Variants in LRRC4C observed in about 807,000 individuals in gnomAD.
LRRC4C encodes leucine rich repeat containing 4C.
In LRRC4C, 5 loss-of-function variants were observed where a neutral mutation model predicts 33.6. The ratio of observed to expected loss-of-function variants is 0.15; its 90% CI spans 0.08 to 0.31. LRRC4C has a LOEUF of 0.31. LRRC4C is among the 10% of genes least tolerant of loss of function. The pLI is 1.00. For synonymous variants in LRRC4C, 329 were observed against 302.0 expected, an observed-to-expected ratio of 1.09 and a Z score of -0.93; for missense variants, 560 against 796.7, an observed-to-expected ratio of 0.70 and a Z score of 3.58.
At chr11:40,294,594 C>G (rs1345405230) in intron 4 of LRRC4C, among the ~76,000 whole-genome samples, 1 of 152,012 alleles carries the variant, frequency 6.6e-6, no homozygotes, top group Non-Finnish European at 1.5e-5. Context: ...TTTGGGAGGC[C>G]AAGGTGGGCG....
chr11:41,345,189 A>G (rs1443948447), intron 1 of LRRC4C, among the ~76,000 whole-genome samples: 2 of 152,138 alleles, frequency 1.3e-5, no homozygotes, highest in Admixed American at 6.5e-5. Context: ...CTTTTTAACT[A>G]AATTTTGGAG....
chr11:41,065,310 A>C (rs1279309319), intron 1 of LRRC4C, among the ~76,000 whole-genome samples: 2 of 152,234 alleles, frequency 1.3e-5, no homozygotes, highest in African/African-American at 4.8e-5. Context: ...AATTCACCCC[A>C]GTGCAGCAAA....
chr11:40,956,213 A>G (rs1413244674), intron 1 of LRRC4C, among the ~76,000 whole-genome samples: 1 of 151,794 alleles, frequency 6.6e-6, no homozygotes, highest in Non-Finnish European at 1.5e-5. Flanking sequence ...CAAACTCAAT[A>G]GCCCTCTAAA....
intron 3 of LRRC4C, among the ~76,000 whole-genome samples, chr11:40,485,198 A>G (rs1953792518): frequency 6.6e-6 from 1 of 152,056 alleles, no homozygotes; most frequent in African/African-American, 2.4e-5. Context: ...CATAAAAAAC[A>G]TAATTGACTA....
intron 2 of LRRC4C, among the ~76,000 whole-genome samples, chr11:40,895,917 C>T (rs1182177594): frequency 6.6e-6 from 1 of 152,098 alleles, no homozygotes; most frequent in Non-Finnish European, 1.5e-5. Context: ...TGCTTTTGAA[C>T]CCGCAAACTG....
At chr11:40,740,485 A>G (rs2136899201) in intron 2 of LRRC4C, among the ~76,000 whole-genome samples, 1 of 152,104 alleles carries the variant, frequency 6.6e-6, no homozygotes, top group South Asian at 2.1e-4. Context: ...CATTAAAAAA[A>G]GTCAAGTTGT....
chr11:41,213,136 T>C (rs148961021), intron 1 of LRRC4C, among the ~76,000 whole-genome samples: 1,828 of 152,318 alleles, frequency 0.012, 14 homozygotes, highest in African/African-American at 0.018. Flanking sequence ...TTTTCTTACT[T>C]CCTTTCTCAG....
chr11:41,436,381 T>G (rs1296591768), intron 1 of LRRC4C, among the ~76,000 whole-genome samples: 1 of 152,204 alleles, frequency 6.6e-6, no homozygotes, highest in Non-Finnish European at 1.5e-5. Context: ...TCAAGATATT[T>G]TGATAATACA....
chr11:40,142,946 G>GCATT (rs35026678), intron 5 of LRRC4C, among the ~76,000 whole-genome samples: 21,663 of 151,930 alleles, frequency 0.14, 1,720 homozygotes, highest in Middle Eastern at 0.24. Flanking sequence ...AATGGCAGTT[G>GCATT]CATTCATTCA....
At chr11:40,227,182 G>C (rs866034498) in intron 5 of LRRC4C, among the ~76,000 whole-genome samples, 1 of 152,194 alleles carries the variant, frequency 6.6e-6, no homozygotes, top group Non-Finnish European at 1.5e-5. Context: ...GGAGAGGTGT[G>C]TAATTGTTAT....
chr11:41,104,061 T>C (rs915515711), intron 1 of LRRC4C, among the ~76,000 whole-genome samples: 4 of 151,926 alleles, frequency 2.6e-5, no homozygotes, highest in African/African-American at 9.7e-5. Flanking sequence ...AAATATTTCT[T>C]AGATACAACA....
At chr11:40,689,119 A>G (rs968506628) in intron 2 of LRRC4C, among the ~76,000 whole-genome samples, 1 of 152,102 alleles carries the variant, frequency 6.6e-6, no homozygotes, top group Non-Finnish European at 1.5e-5. Context: ...AGAGATTACA[A>G]TATCTTCTCT....
At chr11:40,553,389 TAACCTCATATCCAGGAGAA>T (rs1474002910) in intron 3 of LRRC4C, among the ~76,000 whole-genome samples, 1 of 152,232 alleles carries the variant, frequency 6.6e-6, no homozygotes, top group African/African-American at 2.4e-5. Flanking sequence ...TTATTTTATA[TAACCTCATATCCAGGAGAA>T]TTTAAAATAG....
chr11:40,575,133 A>C (rs1222301528), intron 3 of LRRC4C, among the ~76,000 whole-genome samples: 1 of 152,314 alleles, frequency 6.6e-6, no homozygotes, highest in Non-Finnish European at 1.5e-5. Context: ...ACTATGATAG[A>C]AAAAAGCAAA....
chr11:40,936,088 T>A (rs1229774302), intron 1 of LRRC4C, among the ~76,000 whole-genome samples: 2 of 131,160 alleles, frequency 1.5e-5, no homozygotes, highest in African/African-American at 5.5e-5. Flanking sequence ...ACCTTAACTC[T>A]GTCCTGAGAA....
At chr11:40,287,496 C>A (rs1258784294) in intron 4 of LRRC4C, among the ~76,000 whole-genome samples, 1 of 152,132 alleles carries the variant, frequency 6.6e-6, no homozygotes, top group Non-Finnish European at 1.5e-5. Flanking sequence ...GCCAGCCATT[C>A]TTCTGAGGTG....
intron 3 of LRRC4C, among the ~76,000 whole-genome samples, chr11:40,582,133 CAT>C (rs1327054220): frequency 6.6e-6 from 1 of 152,042 alleles, no homozygotes; most frequent in Non-Finnish European, 1.5e-5. Context: ...GGTGTGAATA[CAT>C]GTGTTTCCAA....
intron 2 of LRRC4C, among the ~76,000 whole-genome samples, chr11:40,838,427 C>G (rs1382295691): frequency 6.6e-6 from 1 of 152,152 alleles, no homozygotes; most frequent in African/African-American, 2.4e-5. Context: ...AAAATTTCAT[C>G]TGATTTATCC....
At chr11:41,350,233 A>G (rs1384781442) in intron 1 of LRRC4C, among the ~76,000 whole-genome samples, 1 of 152,192 alleles carries the variant, frequency 6.6e-6, no homozygotes, top group Admixed American at 6.5e-5. Flanking sequence ...TGTTTTCGTC[A>G]GGTGCAGTGG....
Sources: allele counts gnomAD v4.1 joint callset (sites outside exome capture counted in the v4.1 genomes callset), GRCh38; gene constraint gnomAD v4.1.1; transcripts MANE v1.5; gene names NCBI Gene and HGNC (gene_info 2026-07-23, HGNC 2026-07-21).